ABCB5: variants seen among roughly 807,000 people sequenced by gnomAD.
ABCB5 encodes ATP-binding cassette sub-family B member 5.
Under a neutral mutation model 144.2 loss-of-function variants are expected in ABCB5, and 155 were observed. The observed-to-expected ratio is 1.08, with a 90% CI of 0.94 to 1.23. The LOEUF (loss-of-function observed/expected upper bound fraction) is 1.23, where lower values mean the gene tolerates loss of function less well. Among genes scored for constraint, ABCB5 ranks in the 50% most tolerant of loss-of-function variants. The pLI is 0.00. For synonymous variants in ABCB5, 610 were observed against 528.6 expected (o/e 1.15, Z -2.11); for missense variants, 1,830 against 1,520.8 (o/e 1.20, Z -3.38).
At chr7:20,669,183 G>T (rs1201813853) in intron 14 of ABCB5, among the ~76,000 whole-genome samples, 1 of 148,188 alleles carries the variant, frequency 6.7e-6, no homozygotes, top group Non-Finnish European at 1.5e-5. Context: ...CTACTGGGAA[G>T]TGAGGAGCCC....
Position 20,727,110 on chromosome 7 carries a change from T to G in ABCB5, c.2696T>G (p.Met899Arg), listed in dbSNP as rs1460714518. The G allele has an allele frequency of 1.9e-6, 3 of 1,613,650 alleles. No individual in the cohort carries two copies. Among genetic ancestry groups the G allele is most frequent in the Non-Finnish European group, 2.5e-6 (3 of 1,179,790 alleles). ...SLTREKAFEQ[M>R]YEEMLQTQHR... ...ACAAGGGAAAAAGCCTTCGAGCAAA[T>G]GTATGAAGAGATGCTTCAGACTCAA... Residue 899 changes from methionine to arginine, a missense_variant, in exon 22 of 28, where the codon ATG becomes AGG. Met to Arg is a moderately conservative substitution (Grantham distance 91, BLOSUM62 -1). Transcript: ENST00000404938.
intron 4 of ABCB5, 48 bp downstream of exon 4, chr7:20,628,886 G>A (rs371905844): frequency 1.3e-6 from 2 of 1,591,074 alleles, no homozygotes; most frequent in Admixed American, 3.4e-5. Flanking sequence ...CAAAAGCATT[G>A]AATAAAGCAA....
At chr7:20,659,394 GTT>G in intron 14 of ABCB5, 1 of 1,185,400 alleles carries the variant, frequency 8.4e-7, no homozygotes, top group Non-Finnish European at 1.0e-6. Flanking sequence ...TGAGTTAAGC[GTT>G]TTTTTTTCTC....
chr7:20,674,253 A>G (rs1323822509), intron 14 of ABCB5, among the ~76,000 whole-genome samples: 2 of 152,070 alleles, frequency 1.3e-5, no homozygotes, highest in South Asian at 2.1e-4. Context: ...GTGTATATCC[A>G]TATTTCCATC....
chr7:20,700,182 T>C, intron 19 of ABCB5, 47 bp downstream of exon 19: 1 of 1,429,172 alleles, frequency 7.0e-7, no homozygotes, highest in East Asian at 2.5e-5. Context: ...AAATTTATTG[T>C]AAAACATTCT....
rs1286303828 is a variant in ABCB5 at position 20,647,948 on chromosome 7, A to T, written c.1096-20A>T. The T allele has an allele frequency of 9.0e-6, 13 of 1,446,266 alleles. No homozygotes were observed. Among genetic ancestry groups the T allele is most frequent in the African/African-American group, 8.4e-5 (6 of 71,474 alleles). The allele number at this position is 1,446,266 out of a possible 1,614,324, so 89.6% of individuals were successfully genotyped here. ...GTTTACTCCTTTGAAGATTTATAAC[A>T]TTTCCTTTGTTTTTCCAAGAAACCC... On this transcript the variant is annotated intron_variant, in intron 10 of 27. Coordinates refer to ENST00000404938, the MANE Select transcript of ABCB5 (RefSeq NM_001163941.2).
intron 21 of ABCB5, among the ~76,000 whole-genome samples, chr7:20,723,472 C>T (rs746474311): frequency 1.3e-5 from 2 of 152,114 alleles, no homozygotes; most frequent in Non-Finnish European, 2.9e-5. Context: ...GAGTTAGAAT[C>T]CAGATTCTAT....
At chr7:20,642,881 C>A (rs534905583) in intron 5 of ABCB5, among the ~76,000 whole-genome samples, 1 of 152,158 alleles carries the variant, frequency 6.6e-6, no homozygotes, top group South Asian at 2.1e-4. Context: ...CCTACAATTA[C>A]CTTGATTGAC....
At chr7:20,687,706 C>A (rs1786047801) in intron 16 of ABCB5, among the ~76,000 whole-genome samples, 3 of 152,036 alleles carry the variant, frequency 2.0e-5, no homozygotes, top group African/African-American at 7.2e-5. Flanking sequence ...GAAAAATAAA[C>A]AAGGAAGTGA....
At chr7:20,703,605 G>C (rs1278135297) in intron 19 of ABCB5, among the ~76,000 whole-genome samples, 2 of 70,548 alleles carry the variant, frequency 2.8e-5, no homozygotes, top group Non-Finnish European at 6.2e-5. Context: ...CTGGGTTGCA[G>C]TAAGCCAAGA....
Position 20,666,942 on chromosome 7 carries a change from C to T in ABCB5, c.1707+8266C>T. 2.5e-6 allele frequency: 3 copies of T among 1,184,538 alleles called. No homozygotes were observed. In the African/African-American group the frequency reaches 4.7e-5, roughly 19 times the overall value. 73.4% of individuals were successfully genotyped at this position (1,184,538 alleles called of 1,614,324 possible). On this transcript the variant is annotated intron_variant, in intron 14 of 27. Coordinates refer to ENST00000404938, the MANE Select transcript of ABCB5 (RefSeq NM_001163941.2). ...CAGGCTTTGGCTGCCAAAATCTCTT[C>T]TGTGTTTTAAGTCTGAAGCAATTAC... is the stretch of plus-strand genomic sequence containing the variant.
At chr7:20,694,099 A>T (rs753293348) in intron 16 of ABCB5, among the ~76,000 whole-genome samples, 1 of 151,494 alleles carries the variant, frequency 6.6e-6, no homozygotes, top group Non-Finnish European at 1.5e-5. Context: ...AAAAAAAGTG[A>T]TAAGGAAGAA....
chr7:20,680,739 G>T (rs1042733136), intron 14 of ABCB5, among the ~76,000 whole-genome samples: 8 of 151,954 alleles, frequency 5.3e-5, no homozygotes, highest in Non-Finnish European at 8.8e-5. Flanking sequence ...AATGATACTT[G>T]TAAAAAAGTT....
chr7:20,647,157 C>A, intron 9 of ABCB5: 2 of 371,388 alleles, frequency 5.4e-6, no homozygotes, highest in Non-Finnish European at 7.4e-6. Context: ...TTTTAAAGTT[C>A]AAGGGGTCAC....
At chr7:20,730,987 C>T (rs1198910758) in intron 23 of ABCB5, among the ~76,000 whole-genome samples, 1 of 152,096 alleles carries the variant, frequency 6.6e-6, no homozygotes, top group East Asian at 1.9e-4. Context: ...CAAATTCTCA[C>T]AGAAGAATTT....
At chr7:20,674,126 T>G (rs541241235) in intron 14 of ABCB5, among the ~76,000 whole-genome samples, 2 of 152,082 alleles carry the variant, frequency 1.3e-5, no homozygotes, top group East Asian at 3.9e-4. Context: ...CCATGCCACA[T>G]TGTAACTTTT....
At chr7:20,681,040 C>CTT (rs1214926996) in intron 14 of ABCB5, among the ~76,000 whole-genome samples, 1 of 4,668 alleles carries the variant, frequency 2.1e-4, no homozygotes, top group African/African-American at 7.5e-4. Flanking sequence ...CTTTCTCTTT[C>CTT]TTTCTTTCTC....
At chr7:20,745,207 C>A in intron 25 of ABCB5, 25 bp from the exon 26 acceptor site, 2 of 1,610,550 alleles carry the variant, frequency 1.2e-6, no homozygotes, top group Non-Finnish European at 1.7e-6. Context: ...TCTTAACACA[C>A]CATTCTCCAA....
At chr7:20,659,855 TG>T (rs1784943266) in intron 14 of ABCB5, 1 of 914,470 alleles carries the variant, frequency 1.1e-6, no homozygotes, top group Non-Finnish European at 1.3e-6. Context: ...AGCTAATTTT[TG>T]TATTTTTAGT....
Sources: gnomAD v4.1 joint callset for allele counts (sites outside exome capture counted in the v4.1 genomes callset) on GRCh38, gnomAD v4.1.1 for gene constraint, MANE v1.5 for transcripts, NCBI Gene and HGNC (gene_info 2026-07-23, HGNC 2026-07-21) for gene names.